PUDP: variants seen among roughly 807,000 people sequenced by gnomAD.
PUDP encodes pseudouridine 5'-phosphatase.
PUDP carries 8 observed loss-of-function variants against 9.4 expected under a neutral mutation model. The ratio of observed to expected loss-of-function variants is 0.85; its 90% CI spans 0.50 to 1.53. The LOEUF is 1.53. PUDP is among the 40% of genes most tolerant of loss of function. The probability of loss-of-function intolerance (pLI) is 0.00; values close to 1 mark genes in which losing one functional copy is unlikely to be tolerated. For missense variants in PUDP, 188 were observed against 189.7 expected, an observed-to-expected ratio of 0.99 and a Z score of 0.05; for synonymous variants, 99 against 80.7, an observed-to-expected ratio of 1.23 and a Z score of -1.22.
At chrX:6,848,163 T>C (rs1926776266) in intron 3 of PUDP, among the ~76,000 whole-genome samples, 1 of 111,963 alleles carries the variant, frequency 8.9e-6, no homozygotes, top group Non-Finnish European at 1.9e-5. Flanking sequence ...GTTGTCCTGC[T>C]GATCAAATTT....
At chrX:6,729,485 C>T (rs776452302) in intron 3 of PUDP, among the ~76,000 whole-genome samples, 1 of 112,396 alleles carries the variant, frequency 8.9e-6, no homozygotes, top group Admixed American at 9.4e-5. Flanking sequence ...GTCACGGACA[C>T]GTGTCCTCAA....
At chrX:6,746,383 T>G (rs943433931) in intron 3 of PUDP, among the ~76,000 whole-genome samples, 2 of 112,444 alleles carry the variant, frequency 1.8e-5, no homozygotes, top group African/African-American at 6.5e-5. Context: ...ATATTTGATT[T>G]GCCATTTTCT....
rs58058495 is a variant in PUDP, at chrX:6,908,987, G to A, written c.*247+68146C>T. On this transcript the variant is annotated intron_variant and NMD_transcript_variant, in intron 3 of 3. Coordinates refer to the PUDP transcript ENST00000655425. Reference sequence around the variant, plus strand: ...CCCTAATCCATAGATGAGAGCTTGGGAGTCTCTACTAAGTAGCTAGATATG... The same window carrying A: ...CCCTAATCCATAGATGAGAGCTTGGAAGTCTCTACTAAGTAGCTAGATATG... Among the ~76,000 whole-genome samples the A allele has an allele frequency of 1.4e-3, 157 of 110,839 alleles. 6 individuals carry two copies. The East Asian group carries it at 0.039, about 27-fold the overall frequency.
At chrX:6,714,425 G>T (rs191866692) in intron 1 of PUDP, among the ~76,000 whole-genome samples, 37 of 111,470 alleles carry the variant, frequency 3.3e-4, no homozygotes, top group African/African-American at 1.2e-3. Flanking sequence ...CACAAACGAC[G>T]GAGGATACAC....
intron 3 of PUDP, among the ~76,000 whole-genome samples, chrX:6,904,656 A>G (rs764910116): frequency 9.0e-6 from 1 of 111,566 alleles, no homozygotes; most frequent in Non-Finnish European, 1.9e-5. Context: ...TTTGGTTGAG[A>G]GGCTCAGCCA....
At chrX:7,005,591 G>T (rs977557661) in intron 1 of PUDP, among the ~76,000 whole-genome samples, 1 of 108,853 alleles carries the variant, frequency 9.2e-6, no homozygotes, top group African/African-American at 3.4e-5. Flanking sequence ...TATATTTTTG[G>T]GAGTGACGAG....
chrX:6,831,214 G>T (rs1251384671), intron 3 of PUDP, among the ~76,000 whole-genome samples: 1 of 112,110 alleles, frequency 8.9e-6, no homozygotes, highest in Non-Finnish European at 1.9e-5. Flanking sequence ...CTCAAGCACT[G>T]ATCTTAGGTC....
intron 1 of PUDP, among the ~76,000 whole-genome samples, chrX:7,017,308 A>G (rs762608237): frequency 2.7e-5 from 3 of 112,005 alleles, no homozygotes; most frequent in Non-Finnish European, 5.6e-5. Context: ...CAGTGAATAA[A>G]CAAAGGTCCT....
intron 3 of PUDP, among the ~76,000 whole-genome samples, chrX:6,825,476 C>A (rs757628683): frequency 9.0e-6 from 1 of 111,422 alleles, no homozygotes; most frequent in Non-Finnish European, 1.9e-5. Flanking sequence ...GGTCCCCTGG[C>A]AGATGGTATA....
intron 1 of PUDP, among the ~76,000 whole-genome samples, chrX:7,042,483 G>A (rs901184370): frequency 2.7e-5 from 3 of 111,825 alleles, no homozygotes; most frequent in African/African-American, 9.7e-5. Context: ...GTAAGTGTTG[G>A]TAAGAAGTAC....
At chrX:7,081,751 C>T (rs1931096421) in intron 2 of PUDP, among the ~76,000 whole-genome samples, 1 of 113,013 alleles carries the variant, frequency 8.8e-6, no homozygotes, top group African/African-American at 3.2e-5. Context: ...TCAATTTTGT[C>T]ATCTGTCAAA....
At chrX:7,068,395 G>A (rs1226869136) in intron 3 of PUDP, among the ~76,000 whole-genome samples, 1 of 111,881 alleles carries the variant, frequency 8.9e-6, no homozygotes, top group Non-Finnish European at 1.9e-5. Context: ...ACTGGATTCT[G>A]TGTCTATTGG....
In PUDP at chrX:7,050,354, A is replaced by G; in HGVS notation, c.629T>C (p.Val210Ala). 2 of 1,211,641 alleles carry G rather than the reference A, an allele frequency of 1.7e-6. No individual in the cohort carries two copies. Among genetic ancestry groups the G allele is most frequent in the Non-Finnish European group, 2.2e-6 (2 of 895,269 alleles). ...SRDLTTKATL[V>A]LNSLQDFQPE... ...CTGGAAGTCCTGCAGGGAATTCAGC[A>G]CCAGGGTGGCCTTTGTTGTCAGATC... is the stretch of plus-strand genomic sequence containing the variant. Residue 210 changes from valine to alanine, a missense_variant, in exon 4 of 4, where the codon GTG becomes GCG. Transcript: ENST00000381077.
At chrX:6,889,004 G>C (rs571014127) in intron 3 of PUDP, among the ~76,000 whole-genome samples, 2 of 112,522 alleles carry the variant, frequency 1.8e-5, no homozygotes, top group East Asian at 5.6e-4. Flanking sequence ...GGAAACGTAT[G>C]ATTTGGCCAC....
chrX:7,098,690 T>C (rs1281558951), intron 2 of PUDP, among the ~76,000 whole-genome samples: 1 of 111,136 alleles, frequency 9.0e-6, no homozygotes, highest in Non-Finnish European at 1.9e-5. Context: ...CTCCCTCCCC[T>C]CAGCCACCTA....
chrX:6,764,826 C>G (rs184573173), intron 3 of PUDP, among the ~76,000 whole-genome samples: 1 of 111,715 alleles, frequency 9.0e-6, no homozygotes, highest in South Asian at 3.7e-4. Context: ...ATACTGACTA[C>G]TACTGATAAA....
intron 3 of PUDP, among the ~76,000 whole-genome samples, chrX:6,869,059 T>C (rs993938757): frequency 2.1e-4 from 24 of 111,716 alleles, no homozygotes; most frequent in African/African-American, 7.5e-4. Flanking sequence ...AGGATACCCA[T>C]TGGCCAGTTG....
At chrX:6,747,618 T>C (rs1925015619) in intron 3 of PUDP, among the ~76,000 whole-genome samples, 1 of 112,223 alleles carries the variant, frequency 8.9e-6, no homozygotes, top group Admixed American at 9.4e-5. Context: ...CTTATGAAAA[T>C]GCCCCAGTGG....
In PUDP at chrX:6,843,023, A is replaced by G. The variant is rs1027697846; in HGVS notation, c.*247+134110T>C. Among the ~76,000 whole-genome samples the G allele has an allele frequency of 5.3e-5, 6 of 112,688 alleles. No individual in the cohort carries two copies. The South Asian group carries it at 1.8e-3, about 34-fold the overall frequency. On this transcript the variant is annotated intron_variant and NMD_transcript_variant, in intron 3 of 3. Transcript: ENST00000655425. Reference sequence around the variant, plus strand: ...TATTGAGCTGCTCCAGAATTTTCTGACCCTACAGAAATGGAAAGACAAAAA... The same window carrying G: ...TATTGAGCTGCTCCAGAATTTTCTGGCCCTACAGAAATGGAAAGACAAAAA...
Sources: allele counts gnomAD v4.1 joint callset (sites outside exome capture counted in the v4.1 genomes callset), GRCh38; gene constraint gnomAD v4.1.1; transcripts MANE v1.5; gene names NCBI Gene and HGNC (gene_info 2026-07-23, HGNC 2026-07-21).